Variants in FLT1 observed in about 807,000 individuals in gnomAD.
FLT1 encodes vascular endothelial growth factor receptor 1.
Under a neutral mutation model 156.3 loss-of-function variants are expected in FLT1, and 49 were observed. The observed-to-expected ratio is 0.31, with a 90% CI of 0.25 to 0.40. FLT1 has a LOEUF of 0.40. Among genes scored for constraint, FLT1 ranks in the 10% least tolerant of loss-of-function variants. The pLI, the probability that FLT1 is intolerant of heterozygous loss-of-function variation, is 1.00. For missense variants in FLT1, 1,322 were observed against 1,637.2 expected, an observed-to-expected ratio of 0.81 and a Z score of 3.32; for synonymous variants, 594 against 583.8, an observed-to-expected ratio of 1.02 and a Z score of -0.25.
chr13:28,447,187 T>C lies in FLT1; in HGVS notation c.389-8842A>G, dbSNP rs906101316. Among the ~76,000 whole-genome samples, 245 of 146,880 alleles carry C rather than the reference T, an allele frequency of 1.7e-3. 8 individuals carry two copies. In the Admixed American group the frequency reaches 0.017, roughly 10 times the overall value. ...AATATAATATATAATATATTATATA[T>C]TTTATATATATTTGCAAAAGGGTCT... On this transcript the variant is annotated intron_variant, in intron 3 of 29. Transcript: ENST00000282397.
rs778277302 is a variant in FLT1, at chr13:28,430,096, G to T, written c.1060C>A (p.Arg354=). The change falls in exon 8 of 30, where the codon CGG becomes AGG. Residue 354 remains arginine (R), a synonymous_variant. Coordinates refer to ENST00000282397, the MANE Select transcript of FLT1 (RefSeq NM_002019.4). ...AATGCCTTCACTTTCATAGAGAGCC[G>T]GTAAGACCGCTTGCCAGCTACGGTT... ...LETVAGKRSY[R]LSMKVKAFPS... is the part of the protein sequence containing the mutation. The T allele has an allele frequency of 6.2e-7, 1 of 1,613,858 alleles. No homozygotes were observed. Among genetic ancestry groups the T allele is most frequent in the South Asian group, 1.1e-5 (1 of 91,076 alleles).
At chr13:28,470,814 C>A (rs1028685981) in intron 1 of FLT1, among the ~76,000 whole-genome samples, 2 of 152,182 alleles carry the variant, frequency 1.3e-5, no homozygotes, top group African/African-American at 4.8e-5. Flanking sequence ...CCTCAGCCTT[C>A]CAAGTAGCTG....
chr13:28,317,649 A>G (rs544448794), intron 24 of FLT1, 52 bp from the exon 25 acceptor site: 2 of 1,137,418 alleles, frequency 1.8e-6, no homozygotes, highest in East Asian at 2.3e-5. Flanking sequence ...TAAGGGTACA[A>G]AAGACCAAGA....
rs1871510436 is a variant in FLT1, at chr13:28,322,627, ACT to A, written c.2953+161_2953+162del. The A allele has an allele frequency of 2.6e-6, 2 of 773,764 alleles. No homozygotes were observed. Among genetic ancestry groups the A allele is most frequent in the South Asian group, 1.5e-5 (1 of 67,502 alleles). The allele number at this position is 773,764 out of a possible 1,614,324, so 47.9% of individuals were successfully genotyped here. On this transcript the variant is annotated intron_variant, in intron 21 of 29. Coordinates refer to ENST00000282397, the MANE Select transcript of FLT1 (RefSeq NM_002019.4). The surrounding 1 kb of genome is among the most constrained non-coding windows in gnomAD (Gnocchi z 4.3). Reference sequence around the variant, plus strand: ...GTACAGTTCCCTGTCAAAATTAGTAACTCTGTAAATTATCTTAATTCAAATCT... The same window carrying A: ...GTACAGTTCCCTGTCAAAATTAGTAACTGTAAATTATCTTAATTCAAATCT...
intron 17 of FLT1, among the ~76,000 whole-genome samples, chr13:28,338,470 C>T (rs972715308): frequency 6.6e-6 from 1 of 152,118 alleles, no homozygotes; most frequent in African/African-American, 2.4e-5. Flanking sequence ...GGCTTTGTGA[C>T]GTCTGAGCTG....
Position 28,329,732 on chromosome 13 carries a change from T to C in FLT1, c.2594-4A>G. 6.2e-7 allele frequency: 1 copy of C among 1,612,428 alleles called. No individual in the cohort carries two copies. Among genetic ancestry groups the C allele is most frequent in the Non-Finnish European group, 8.5e-7 (1 of 1,178,644 alleles). On this transcript the variant is annotated splice_region_variant and splice_polypyrimidine_tract_variant and intron_variant, in intron 18 of 29. Coordinates refer to ENST00000282397, the MANE Select transcript of FLT1 (RefSeq NM_002019.4). ...TACTCGCTGGCCGTGGCCCCCTCTG[T>C]GTGAGAAGCAAGGAAGAGTCAGGGC... is the stretch of plus-strand genomic sequence containing the variant.
chr13:28,332,620 G>T (rs896358106), intron 18 of FLT1, among the ~76,000 whole-genome samples: 1 of 152,212 alleles, frequency 6.6e-6, no homozygotes, highest in Admixed American at 6.5e-5. Flanking sequence ...ATGGAGGAAA[G>T]AGCACTGCAT....
At chr13:28,396,892 A>G in intron 12 of FLT1, 68 bp downstream of exon 12, 1 of 970,348 alleles carries the variant, frequency 1.0e-6, no homozygotes, top group Non-Finnish European at 1.7e-6. Context: ...AAATGCACTA[A>G]AAGCAAACAA....
At chr13:28,356,198 G>C (rs1872893406) in intron 15 of FLT1, among the ~76,000 whole-genome samples, 1 of 152,160 alleles carries the variant, frequency 6.6e-6, no homozygotes, top group Non-Finnish European at 1.5e-5. Context: ...GTTTATCACT[G>C]CTCTGTGTTT....
At position 28,431,327 on chromosome 13, in the gene FLT1, T is replaced by A; in HGVS notation, c.814-17A>T. On this transcript the variant is annotated splice_polypyrimidine_tract_variant and intron_variant, in intron 6 of 29. Transcript: ENST00000282397. The stretch of plus-strand genomic sequence containing the variant: ...CTTATTTTTCTAGAAAGAAAATGTA[T>A]AACAAATGTAGAAGGAGTGAGTGTT... 1 of 1,591,730 alleles carries A rather than the reference T, an allele frequency of 6.3e-7. No homozygotes were observed. The highest frequency in any genetic ancestry group is 8.6e-7 in the Non-Finnish European group (1 of 1,159,908).
intron 11 of FLT1, among the ~76,000 whole-genome samples, chr13:28,398,504 A>G (rs1875204396): frequency 6.6e-6 from 1 of 152,202 alleles, no homozygotes; most frequent in Non-Finnish European, 1.5e-5. Flanking sequence ...TCTTTAATCT[A>G]CAGATCAGGA....
intron 7 of FLT1, among the ~76,000 whole-genome samples, chr13:28,430,570 G>A (rs1216480434): frequency 6.6e-6 from 1 of 152,064 alleles, no homozygotes; most frequent in Non-Finnish European, 1.5e-5. Flanking sequence ...AAGACAAAAG[G>A]AAATAAAGGC....
chr13:28,425,176 T>A (rs1877267992), intron 10 of FLT1, among the ~76,000 whole-genome samples: 1 of 152,230 alleles, frequency 6.6e-6, no homozygotes, highest in Non-Finnish European at 1.5e-5. Context: ...GCTGTCATTC[T>A]TGTACATCAA....
intron 10 of FLT1, among the ~76,000 whole-genome samples, chr13:28,419,478 A>G (rs1876856483): frequency 6.6e-6 from 1 of 152,228 alleles, no homozygotes; most frequent in Non-Finnish European, 1.5e-5. Flanking sequence ...GCCAAAGACA[A>G]TCTGAGAGGT....
intron 27 of FLT1, among the ~76,000 whole-genome samples, chr13:28,311,205 C>A (rs994614865): frequency 1.3e-5 from 2 of 152,196 alleles, no homozygotes; most frequent in Non-Finnish European, 2.9e-5. Context: ...GATCCTCCCA[C>A]CTCAGTCTCC....
intron 14 of FLT1, chr13:28,368,342 G>A (rs1873381748): frequency 5.4e-6 from 4 of 737,428 alleles, no homozygotes; most frequent in Non-Finnish European, 8.2e-6. Context: ...AATAGAGACA[G>A]CATTTCACCA....
intron 14 of FLT1, among the ~76,000 whole-genome samples, chr13:28,369,044 C>T (rs542552098): frequency 9.2e-5 from 14 of 152,090 alleles, no homozygotes; most frequent in South Asian, 6.2e-4. Context: ...GAGCAGTGTC[C>T]GAACTAAGAA....
chr13:28,430,032 A>C lies in FLT1; in HGVS notation c.1106+18T>G, dbSNP rs1461564406. 6.8e-7 allele frequency: 1 copy of C among 1,477,018 alleles called. No individual in the cohort carries two copies. The highest frequency in any genetic ancestry group is 1.7e-5 in the Admixed American group (1 of 59,830). 91.5% of individuals were successfully genotyped at this position (1,477,018 alleles called of 1,614,324 possible). A position where few individuals can be genotyped will look rare whatever the true frequency, so the allele number is the denominator to read the frequency against. On this transcript the variant is annotated intron_variant, in intron 8 of 29. Transcript: ENST00000282397. ...CAAAGTATGTCTTAAACTGTTATGG[A>C]AATAAGGATGGTCCTACCATACAAC... is the stretch of plus-strand genomic sequence containing the variant.
chr13:28,420,910 T>C (rs920545068), intron 10 of FLT1, among the ~76,000 whole-genome samples: 5 of 152,106 alleles, frequency 3.3e-5, no homozygotes, highest in Admixed American at 2.6e-4. Context: ...AATAGAGAAA[T>C]GCAATTAGGC....
Sources: gnomAD v4.1 joint callset for allele counts (sites outside exome capture counted in the v4.1 genomes callset) on GRCh38, gnomAD v4.1.1 for gene constraint, Gnocchi (gnomAD v3.1) non-coding constraint, MANE v1.5 for transcripts, NCBI Gene and HGNC (gene_info 2026-07-23, HGNC 2026-07-21) for gene names.